The following CHIC1 variants were observed in gnomAD, a reference collection of about 807,000 sequenced individuals.
CHIC1 encodes the protein cysteine-rich hydrophobic domain-containing protein 1.
A neutral mutation model predicts 18.5 loss-of-function variants in CHIC1; 7 were observed. The observed-to-expected ratio is 0.38, with a 90% CI of 0.22 to 0.71. The LOEUF (loss-of-function observed/expected upper bound fraction) is 0.71, where lower values mean the gene tolerates loss of function less well. Among genes scored for constraint, CHIC1 ranks in the 30% least tolerant of loss-of-function variants. The probability of loss-of-function intolerance (pLI) is 0.49; values close to 1 mark genes in which losing one functional copy is unlikely to be tolerated. For synonymous variants in CHIC1, 77 were observed against 73.5 expected (o/e 1.05, Z -0.25); for missense variants, 159 against 176.9 (o/e 0.90, Z 0.57).
Position 73,652,276 on chromosome X carries a change from A to G in CHIC1, c.508-27050A>G, listed in dbSNP as rs1188036762. Among the ~76,000 whole-genome samples the G allele has an allele frequency of 2.7e-5, 3 of 112,516 alleles. No individual in the cohort carries two copies. The Admixed American group carries it at 2.8e-4, about 11-fold the overall frequency. Reference sequence around the variant, plus strand: ...ACTCAAATGTAAATCCCAAAACCATAAAAGCCTTAGAAAAAAACCTAGGCA... The same window carrying G: ...ACTCAAATGTAAATCCCAAAACCATGAAAGCCTTAGAAAAAAACCTAGGCA... On this transcript the variant is annotated intron_variant, in intron 3 of 5. Transcript: ENST00000373502.
intron 3 of CHIC1, among the ~76,000 whole-genome samples, chrX:73,594,907 A>T (rs771546809): frequency 1.8e-5 from 2 of 111,895 alleles, no homozygotes; most frequent in Admixed American, 1.9e-4. Flanking sequence ...CTTCGCTGTT[A>T]ATCCATATCA....
At chrX:73,630,859 A>T (rs2057803595) in intron 3 of CHIC1, among the ~76,000 whole-genome samples, 1 of 112,120 alleles carries the variant, frequency 8.9e-6, no homozygotes, top group Non-Finnish European at 1.9e-5. Flanking sequence ...CCATGAAGCC[A>T]TCTGATCCTG....
At chrX:73,634,282 G>A (rs985842682) in intron 3 of CHIC1, among the ~76,000 whole-genome samples, 1 of 112,143 alleles carries the variant, frequency 8.9e-6, no homozygotes, top group Non-Finnish European at 1.9e-5. Context: ...TCTGTCCTAG[G>A]GGACAAGTGT....
chrX:73,677,300 C>CT (rs1569505963), intron 3 of CHIC1, among the ~76,000 whole-genome samples: 1 of 112,282 alleles, frequency 8.9e-6, no homozygotes, highest in Non-Finnish European at 1.9e-5. Context: ...TTACTGCTGT[C>CT]TTTTTGTTTG....
chrX:73,651,886 T>A (rs1569504443), intron 3 of CHIC1, among the ~76,000 whole-genome samples: 1 of 112,029 alleles, frequency 8.9e-6, no homozygotes, highest in Non-Finnish European at 1.9e-5. Flanking sequence ...TAGAAAAAAC[T>A]ACTTTAAAGT....
At chrX:73,662,881 G>C (rs2057987436) in intron 3 of CHIC1, among the ~76,000 whole-genome samples, 1 of 111,462 alleles carries the variant, frequency 9.0e-6, no homozygotes, top group Non-Finnish European at 1.9e-5. Context: ...TGTGCAATTA[G>C]GAAATTATTT....
At chrX:73,579,917 A>G (rs2057518651) in intron 2 of CHIC1, among the ~76,000 whole-genome samples, 1 of 110,779 alleles carries the variant, frequency 9.0e-6, no homozygotes, top group Non-Finnish European at 1.9e-5. Flanking sequence ...GAATTATAAG[A>G]ACTTCAGTAA....
intron 3 of CHIC1, among the ~76,000 whole-genome samples, chrX:73,590,496 G>GCTTCAC (rs2057576297): frequency 9.0e-6 from 1 of 110,683 alleles, no homozygotes; most frequent in Non-Finnish European, 1.9e-5. Context: ...TTTACATTAG[G>GCTTCAC]CTTCACTCTT....
At chrX:73,664,964 G>A (rs186395967) in intron 3 of CHIC1, among the ~76,000 whole-genome samples, 7 of 111,933 alleles carry the variant, frequency 6.3e-5, no homozygotes, top group Non-Finnish European at 1.1e-4. Flanking sequence ...TATTCCTTTC[G>A]TAAATGGGCT....
chrX:73,665,283 C>T (rs796634390), intron 3 of CHIC1, among the ~76,000 whole-genome samples: 1 of 110,881 alleles, frequency 9.0e-6, no homozygotes, highest in South Asian at 3.9e-4. Context: ...CTTTTAGGCT[C>T]TTCTGTGTAT....
chrX:73,588,417 T>C (rs2057563943), intron 3 of CHIC1, among the ~76,000 whole-genome samples: 1 of 111,269 alleles, frequency 9.0e-6, no homozygotes, highest in Admixed American at 9.6e-5. Flanking sequence ...ATACACGACA[T>C]AAAATTTGCA....
chrX:73,679,481 G>T (rs1011260870), intron 4 of CHIC1, 99 bp downstream of exon 4: 27 of 611,956 alleles, frequency 4.4e-5, no homozygotes, highest in South Asian at 1.9e-4. Flanking sequence ...CAAAGGAATG[G>T]ATTAGAGAAT....
chrX:73,587,271 G>T lies in CHIC1; in HGVS notation c.507+2699G>T, dbSNP rs779671595. Among the ~76,000 whole-genome samples, 24 of 111,713 alleles carry T rather than the reference G, an allele frequency of 2.1e-4. No individual in the cohort carries two copies. The East Asian group carries it at 6.2e-3, about 29-fold the overall frequency. On this transcript the variant is annotated intron_variant, in intron 3 of 5. Transcript: ENST00000373502. ...CATGAGAATTTTCTCTAGCAAATTA[G>T]GTGATAAAGAAATATAGGTCAGAGT...
At chrX:73,660,721 T>G (rs1201503563) in intron 3 of CHIC1, among the ~76,000 whole-genome samples, 6 of 110,967 alleles carry the variant, frequency 5.4e-5, no homozygotes, top group Admixed American at 3.8e-4. Context: ...GGTTGGGTCC[T>G]AGCCACGCCA....
intron 2 of CHIC1, among the ~76,000 whole-genome samples, chrX:73,579,715 G>C (rs1170438697): frequency 9.1e-6 from 1 of 110,366 alleles, no homozygotes; most frequent in Non-Finnish European, 1.9e-5. Flanking sequence ...TCTTTAGTAC[G>C]TTCTACCTTC....
chrX:73,632,615 T>A (rs1357530033), intron 3 of CHIC1, among the ~76,000 whole-genome samples: 1 of 110,562 alleles, frequency 9.0e-6, no homozygotes, highest in East Asian at 2.8e-4. Context: ...TACTATAGGT[T>A]TTATTCTTTG....
intron 1 of CHIC1, among the ~76,000 whole-genome samples, chrX:73,571,252 T>C (rs2057469552): frequency 1.8e-5 from 2 of 110,814 alleles, no homozygotes; most frequent in South Asian, 7.6e-4. Flanking sequence ...AGGAACATGT[T>C]ACTGTTGTTG....
intron 3 of CHIC1, among the ~76,000 whole-genome samples, chrX:73,630,511 C>G (rs1029948909): frequency 9.0e-6 from 1 of 110,626 alleles, no homozygotes; most frequent in Admixed American, 9.6e-5. Context: ...GATTTTTATC[C>G]TTCATTCTTT....
intron 3 of CHIC1, among the ~76,000 whole-genome samples, chrX:73,663,323 C>A: frequency 9.0e-6 from 1 of 111,181 alleles, no homozygotes; most frequent in East Asian, 2.8e-4. Context: ...CCTTTAAAAG[C>A]CACTGTGCTA....
Sources: allele counts gnomAD v4.1 joint callset (sites outside exome capture counted in the v4.1 genomes callset), GRCh38; gene constraint gnomAD v4.1.1; transcripts MANE v1.5; gene names NCBI Gene and HGNC (gene_info 2026-07-23, HGNC 2026-07-21).